The following NAV3 variants were observed in gnomAD, a reference collection of about 807,000 sequenced individuals.
The protein encoded by NAV3 is pore membrane and/or filament interacting like protein 1.
A neutral mutation model predicts 244.7 loss-of-function variants in NAV3; 87 were observed. The observed-to-expected ratio is 0.36, with a 90% confidence interval of 0.30 to 0.42. NAV3 has a LOEUF of 0.42. Among genes scored for constraint, NAV3 ranks in the 20% least tolerant of loss-of-function variants. The pLI, the probability that NAV3 is intolerant of heterozygous loss-of-function variation, is 1.00. For synonymous variants in NAV3, 1,126 were observed against 1,042.2 expected (o/e 1.08, Z -1.55); for missense variants, 2,663 against 2,893.3 (o/e 0.92, Z 1.83).
intron 2 of NAV3, among the ~76,000 whole-genome samples, chr12:77,619,168 G>T (rs1360997137): frequency 6.6e-6 from 1 of 152,030 alleles, no homozygotes; most frequent in African/African-American, 2.4e-5. Context: ...TCTTACATTG[G>T]CATATTATCA....
Position 78,128,881 on chromosome 12 carries a change from A to G in NAV3, c.4441+15A>G, listed in dbSNP as rs1270290435. ...TTCTAACTTGGGTAAAATATTCTAA[A>G]ATATTGATTTTGTTTTGTTTCTTTC... On this transcript the variant is annotated intron_variant, in intron 18 of 39. Transcript: ENST00000397909. 7 of 1,610,592 alleles carry G rather than the reference A, an allele frequency of 4.3e-6. No individual in the cohort carries two copies. Among genetic ancestry groups the G allele is most frequent in the Non-Finnish European group, 5.9e-6 (7 of 1,178,126 alleles).
intron 2 of NAV3, among the ~76,000 whole-genome samples, chr12:77,722,904 GCATA>G (rs1467762617): frequency 6.6e-6 from 1 of 151,928 alleles, no homozygotes; most frequent in African/African-American, 2.4e-5. Context: ...TTTTCTTCAT[GCATA>G]CATACTTGGC....
chr12:77,940,292 C>T (rs2137465740), intron 1 of NAV3, 27 bp from the exon 2 acceptor site: 3 of 1,544,876 alleles, frequency 1.9e-6, no homozygotes, highest in Non-Finnish European at 2.7e-6. Context: ...CACCCCATCT[C>T]ACTTTTTCCT....
intron 2 of NAV3, among the ~76,000 whole-genome samples, chr12:77,597,429 C>G (rs927307630): frequency 3.3e-5 from 5 of 152,096 alleles, no homozygotes; most frequent in African/African-American, 1.2e-4. Flanking sequence ...TCTTTATCTT[C>G]TAGGGCATAG....
chr12:77,970,669 T>C (rs1263351043), intron 5 of NAV3, among the ~76,000 whole-genome samples: 2 of 152,122 alleles, frequency 1.3e-5, no homozygotes, highest in Non-Finnish European at 2.9e-5. Context: ...TCAAGTGAGA[T>C]TGTATAAGAC....
chr12:78,080,331 A>T (rs1953284723), intron 12 of NAV3, among the ~76,000 whole-genome samples: 1 of 152,244 alleles, frequency 6.6e-6, no homozygotes, highest in African/African-American at 2.4e-5. Context: ...TCCAAAGATC[A>T]TTAAAAACCC....
intron 2 of NAV3, among the ~76,000 whole-genome samples, chr12:77,606,291 T>C (rs1439510722): frequency 6.6e-6 from 1 of 152,164 alleles, no homozygotes; most frequent in African/African-American, 2.4e-5. Flanking sequence ...TAATGCTGAA[T>C]GCGAAGGAAC....
chr12:78,190,260 A>G (rs767994126), intron 34 of NAV3, 41 bp downstream of exon 34: 4 of 1,514,202 alleles, frequency 2.6e-6, no homozygotes, highest in South Asian at 2.3e-5. Flanking sequence ...CAATTTATCC[A>G]TAAGTGTTTT....
chr12:77,703,887 G>A (rs904127869), intron 2 of NAV3, among the ~76,000 whole-genome samples: 1 of 152,146 alleles, frequency 6.6e-6, no homozygotes, highest in Non-Finnish European at 1.5e-5. Flanking sequence ...GTGAGAAGAT[G>A]GTTGGACCAC....
chr12:77,655,307 A>G (rs1391446160), intron 2 of NAV3, among the ~76,000 whole-genome samples: 1 of 152,224 alleles, frequency 6.6e-6, no homozygotes, highest in Non-Finnish European at 1.5e-5. Context: ...TACGTGAAGA[A>G]TGCAGAAGCC....
intron 12 of NAV3, among the ~76,000 whole-genome samples, chr12:78,061,932 G>GA (rs1477439792): frequency 2.6e-5 from 4 of 152,098 alleles, no homozygotes; most frequent in Non-Finnish European, 4.4e-5. Context: ...GACAATTGCA[G>GA]AAAATGTCAA....
At chr12:77,945,280 A>T (rs1890230851) in intron 3 of NAV3, among the ~76,000 whole-genome samples, 1 of 152,152 alleles carries the variant, frequency 6.6e-6, no homozygotes, top group South Asian at 2.1e-4. Flanking sequence ...GAAGTAGAAG[A>T]GGAGGAAATT....
chr12:77,756,327 T>C (rs2135819762), intron 2 of NAV3, among the ~76,000 whole-genome samples: 1 of 152,332 alleles, frequency 6.6e-6, no homozygotes, highest in Middle Eastern at 3.4e-3. Context: ...TTGCAGTTTA[T>C]GCATATCATG....
intron 2 of NAV3, among the ~76,000 whole-genome samples, chr12:77,595,255 C>G (rs1430013488): frequency 6.6e-6 from 1 of 151,910 alleles, no homozygotes; most frequent in Admixed American, 6.6e-5. Context: ...TTTGGGACAA[C>G]CTGGATGAAC....
Position 77,968,528 on chromosome 12 carries a change from A to T in NAV3, c.497A>T (p.Asn166Ile), listed in dbSNP as rs760924142. 6.2e-7 allele frequency: 1 copy of T among 1,612,682 alleles called. No homozygotes were observed. Among genetic ancestry groups the T allele is most frequent in the Non-Finnish European group, 8.5e-7 (1 of 1,179,124 alleles). The change falls in exon 5 of 40, where the codon AAT becomes ATT. Residue 166 changes from asparagine (N) to isoleucine (I), a missense_variant. Physicochemically the swap from Asn to Ile is moderately radical, Grantham distance 149. Around this residue, in one of 6 missense-constraint regions of NAV3, gnomAD observed 1,521 missense variants for 1,497.0 expected, o/e 1.02. Coordinates refer to ENST00000397909, the MANE Select transcript of NAV3 (RefSeq NM_001024383.2). ...TTTTCATTTCATACAGAAATAAGAA[A>T]TGGAAACTTAAAAGCCATTCTAGGG... ...VQGLSAEEIR[N>I]GNLKAILGLF...
intron 2 of NAV3, among the ~76,000 whole-genome samples, chr12:77,820,943 A>T (rs1261903468): frequency 6.6e-6 from 1 of 152,146 alleles, no homozygotes; most frequent in African/African-American, 2.4e-5. Flanking sequence ...TTTCATTATC[A>T]TACTTTCTAA....
chr12:77,936,784 G>A (rs1889368007), intron 1 of NAV3, among the ~76,000 whole-genome samples: 1 of 152,058 alleles, frequency 6.6e-6, no homozygotes. Context: ...TGACAAGGTT[G>A]TTTGTATTCT....
At chr12:77,667,371 C>T (rs1873761654) in intron 2 of NAV3, among the ~76,000 whole-genome samples, 1 of 152,182 alleles carries the variant, frequency 6.6e-6, no homozygotes, top group South Asian at 2.1e-4. Context: ...GCCCTGGTCA[C>T]AGGCTGCCTG....
chr12:77,891,704 G>A (rs980656196), intron 1 of NAV3, among the ~76,000 whole-genome samples: 1 of 152,222 alleles, frequency 6.6e-6, no homozygotes, highest in Non-Finnish European at 1.5e-5. Flanking sequence ...AGCTTAGAGA[G>A]TTTAAGGACT....
Sources: gnomAD v4.1 joint callset for allele counts (sites outside exome capture counted in the v4.1 genomes callset) on GRCh38, gnomAD v4.1.1 for gene constraint, gnomAD v4.1.1 regional missense constraint, MANE v1.5 for transcripts, NCBI Gene and HGNC (gene_info 2026-07-23, HGNC 2026-07-21) for gene names.